Variants in SLC38A1 observed in about 807,000 individuals in gnomAD.
SLC38A1 encodes the protein solute carrier family 38 member 1, also known as sodium-coupled neutral amino acid symporter 1.
SLC38A1 carries 18 observed loss-of-function variants against 60.3 expected under a neutral mutation model. The ratio of observed to expected loss-of-function variants is 0.30; its 90% CI spans 0.21 to 0.44. The LOEUF (loss-of-function observed/expected upper bound fraction) is 0.44, where lower values mean the gene tolerates loss of function less well. SLC38A1 is among the 20% of genes least tolerant of loss of function. The probability of loss-of-function intolerance (pLI) is 1.00; values close to 1 mark genes in which losing one functional copy is unlikely to be tolerated. For synonymous variants in SLC38A1, 196 were observed against 212.1 expected, an observed-to-expected ratio of 0.92 and a Z score of 0.66; for missense variants, 448 against 587.2, an observed-to-expected ratio of 0.76 and a Z score of 2.45.
chr12:46,218,442 T>A (rs1361778769), intron 5 of SLC38A1, among the ~76,000 whole-genome samples: 1 of 152,166 alleles, frequency 6.6e-6, no homozygotes, highest in Non-Finnish European at 1.5e-5. Flanking sequence ...GGGGGCTTCA[T>A]TCATATTTTC....
intron 1 of SLC38A1, among the ~76,000 whole-genome samples, chr12:46,256,608 C>T (rs545887911): frequency 1.1e-4 from 10 of 92,400 alleles, no homozygotes; most frequent in East Asian, 3.5e-4. Context: ...TTTGCGCGCG[C>T]GCGCGCACAC....
chr12:46,251,126 G>A (rs894046793), intron 1 of SLC38A1, among the ~76,000 whole-genome samples: 2 of 152,188 alleles, frequency 1.3e-5, no homozygotes, highest in African/African-American at 4.8e-5. Flanking sequence ...AAAACAGCAT[G>A]GTACTGGTAC....
At chr12:46,211,904 C>T (rs1440618966) in intron 5 of SLC38A1, among the ~76,000 whole-genome samples, 1 of 152,170 alleles carries the variant, frequency 6.6e-6, no homozygotes, top group South Asian at 2.1e-4. Flanking sequence ...TAATATAAAG[C>T]AAAACCCCCT....
rs527528309 is a variant in SLC38A1 at position 46,196,383 on chromosome 12, T to C, written c.1362+1337A>G. ...TCCTTACACAGATGGAACCCTTGTC[T>C]AATGCCATTTGGAAGACCCTACTAC... On this transcript the variant is annotated intron_variant, in intron 16 of 16. Coordinates refer to ENST00000398637, the MANE Select transcript of SLC38A1 (RefSeq NM_030674.4). The C allele has an allele frequency of 7.0e-6, 10 of 1,425,566 alleles. 1 individual carries two copies. Among genetic ancestry groups the C allele is most frequent in the Middle Eastern group, 4.8e-4 (2 of 4,124 alleles). 88.3% of individuals were successfully genotyped at this position (1,425,566 alleles called of 1,614,324 possible). A position where few individuals can be genotyped will look rare whatever the true frequency, so the allele number is the denominator to read the frequency against.
At chr12:46,255,949 G>T (rs1314615699) in intron 1 of SLC38A1, among the ~76,000 whole-genome samples, 1 of 152,070 alleles carries the variant, frequency 6.6e-6, no homozygotes, top group East Asian at 1.9e-4. Context: ...GGATCACAAG[G>T]TCAGGAGATC....
At chr12:46,265,811 T>C (rs182173044) in intron 1 of SLC38A1, among the ~76,000 whole-genome samples, 30 of 152,358 alleles carry the variant, frequency 2.0e-4, no homozygotes, top group African/African-American at 7.2e-4. Context: ...TGTTTCACTC[T>C]TAACCATATG....
chr12:46,205,366 A>G (rs1318132764), intron 9 of SLC38A1, among the ~76,000 whole-genome samples: 1 of 152,238 alleles, frequency 6.6e-6, no homozygotes, highest in East Asian at 1.9e-4. Flanking sequence ...AAACAAAACA[A>G]AAAACTAAGG....
chr12:46,228,041 G>A (rs1337475585), intron 5 of SLC38A1, among the ~76,000 whole-genome samples: 3 of 152,072 alleles, frequency 2.0e-5, no homozygotes, highest in Non-Finnish European at 4.4e-5. Context: ...CAAGCGGAAA[G>A]GCAACTTAGA....
chr12:46,207,489 T>C (rs1379999980), intron 7 of SLC38A1, 40 bp downstream of exon 7: 1 of 1,551,712 alleles, frequency 6.4e-7, no homozygotes, highest in Non-Finnish European at 8.9e-7. Context: ...TCCACCAGAA[T>C]TAGTTTCAAG....
chr12:46,212,957 C>T (rs753387008), intron 5 of SLC38A1, among the ~76,000 whole-genome samples: 71 of 152,322 alleles, frequency 4.7e-4, no homozygotes, highest in South Asian at 2.5e-3. Flanking sequence ...TCTAACACCT[C>T]TCCTACCTAA....
At chr12:46,218,453 C>T (rs1402974724) in intron 5 of SLC38A1, among the ~76,000 whole-genome samples, 1 of 151,926 alleles carries the variant, frequency 6.6e-6, no homozygotes, top group East Asian at 1.9e-4. Context: ...TCATATTTTC[C>T]CATTCTGTTT....
chr12:46,193,050 C>T (rs1939212375), intron 16 of SLC38A1, among the ~76,000 whole-genome samples: 1 of 152,186 alleles, frequency 6.6e-6, no homozygotes, highest in African/African-American at 2.4e-5. Flanking sequence ...ATCTTCCTTG[C>T]TTTCTCTTGA....
intron 5 of SLC38A1, among the ~76,000 whole-genome samples, chr12:46,210,672 G>C (rs1382571668): frequency 6.6e-6 from 1 of 152,124 alleles, no homozygotes; most frequent in Non-Finnish European, 1.5e-5. Context: ...TCTTGTGGTA[G>C]TGAATAAGTC....
At chr12:46,242,781 AAC>A (rs1447777311) in intron 2 of SLC38A1, among the ~76,000 whole-genome samples, 5 of 152,186 alleles carry the variant, frequency 3.3e-5, no homozygotes, top group African/African-American at 1.2e-4. Flanking sequence ...CAACCTGGGC[AAC>A]AGAGTGAGAC....
intron 1 of SLC38A1, among the ~76,000 whole-genome samples, chr12:46,266,141 G>A (rs568756553): frequency 8.5e-5 from 13 of 152,186 alleles, no homozygotes; most frequent in Non-Finnish European, 1.6e-4. Flanking sequence ...AAGATGGCCT[G>A]ATCAAGGTCT....
intron 7 of SLC38A1, 55 bp from the exon 8 acceptor site, chr12:46,207,291 G>C: frequency 1.0e-5 from 15 of 1,476,556 alleles, no homozygotes; most frequent in Non-Finnish European, 1.2e-5. Context: ...TATGTTGCAA[G>C]CTACATAAAA....
chr12:46,211,518 C>T (rs1940171075), intron 5 of SLC38A1, among the ~76,000 whole-genome samples: 1 of 152,202 alleles, frequency 6.6e-6, no homozygotes, highest in Admixed American at 6.5e-5. Flanking sequence ...CAGTCAGTAG[C>T]CTCTGCAACC....
At chr12:46,249,880 C>T (rs531295293) in intron 1 of SLC38A1, among the ~76,000 whole-genome samples, 4 of 152,250 alleles carry the variant, frequency 2.6e-5, no homozygotes, top group Admixed American at 2.0e-4. Context: ...CAGGACCAGA[C>T]AGATTCACAG....
Position 46,187,161 on chromosome 12 carries a change from CT to C in SLC38A1, c.*1808del, listed in dbSNP as rs1357237913. 6.6e-6 allele frequency: 1 copy of C among 152,204 alleles called. No homozygotes were observed. The highest frequency in any genetic ancestry group is 1.5e-5 in the Non-Finnish European group (1 of 68,036). 9.4% of individuals were successfully genotyped at this position (152,204 alleles called of 1,614,324 possible). A position where few individuals can be genotyped will look rare whatever the true frequency, so the allele number is the denominator to read the frequency against. On this transcript the variant is annotated 3_prime_UTR_variant, in exon 17 of 17. Coordinates refer to ENST00000398637, the MANE Select transcript of SLC38A1 (RefSeq NM_030674.4). The stretch of plus-strand genomic sequence containing the variant: ...AGGAAATAACCTTTCATTCTCCCCC[CT>C]AGAGGATCACGACAGGTGCTTCAAT...
Sources: allele counts gnomAD v4.1 joint callset (sites outside exome capture counted in the v4.1 genomes callset), GRCh38; gene constraint gnomAD v4.1.1; transcripts MANE v1.5; gene names NCBI Gene and HGNC (gene_info 2026-07-23, HGNC 2026-07-21).